IPO5: variants seen among roughly 807,000 people sequenced by gnomAD.
The protein encoded by IPO5 is importin 5.
A neutral mutation model predicts 143.3 loss-of-function variants in IPO5; 18 were observed. The observed-to-expected ratio is 0.13, with a 90% CI of 0.09 to 0.19. The LOEUF (loss-of-function observed/expected upper bound fraction) is 0.19. Ranked by LOEUF, IPO5 falls within the 10% of genes least tolerant of loss-of-function variation. IPO5 has a pLI of 1.00. For synonymous variants in IPO5, 477 were observed against 465.7 expected (o/e 1.02, Z -0.31); for missense variants, 1,013 against 1,336.9 (o/e 0.76, Z 3.78).
intron 2 of IPO5, among the ~76,000 whole-genome samples, chr13:97,964,448 T>C (rs1406073692): frequency 1.3e-4 from 18 of 139,072 alleles, no homozygotes; most frequent in East Asian, 4.0e-4. Flanking sequence ...TCTTTCTTTT[T>C]TTTTTTTTTT....
Position 97,974,141 on chromosome 13 carries a change from A to G in IPO5, c.-4-2552A>G, listed in dbSNP as rs539414230. On this transcript the variant is annotated intron_variant, in intron 3 of 28. Transcript: ENST00000651721. ...TTGGAATTTCTATTATTTAGTAACT[A>G]TTAAGCAAATATATGTAACCTACAG... Among the ~76,000 whole-genome samples, 3 of 152,302 alleles carry G rather than the reference A, an allele frequency of 2.0e-5. No individual in the cohort carries two copies. In the East Asian group the frequency reaches 5.8e-4, roughly 29 times the overall value.
intron 3 of IPO5, among the ~76,000 whole-genome samples, chr13:97,970,576 G>A (rs1250944895): frequency 2.0e-5 from 3 of 152,052 alleles, no homozygotes; most frequent in East Asian, 1.9e-4. Context: ...AGCTGAAATC[G>A]TGCCACTGCA....
intron 8 of IPO5, 82 bp downstream of exon 8, chr13:97,990,304 T>G (rs941750335): frequency 5.9e-6 from 7 of 1,183,378 alleles, no homozygotes; most frequent in Non-Finnish European, 6.2e-6. Context: ...GAGGTTGTTT[T>G]CACTTTTATA....
At chr13:97,986,095 A>G (rs774625450) in intron 6 of IPO5, among the ~76,000 whole-genome samples, 2 of 152,052 alleles carry the variant, frequency 1.3e-5, no homozygotes, top group Non-Finnish European at 2.9e-5. Context: ...AGCCTGGGCA[A>G]CAAAGCAAGA....
chr13:97,986,338 T>C (rs1887341417), intron 6 of IPO5, among the ~76,000 whole-genome samples: 1 of 152,018 alleles, frequency 6.6e-6, no homozygotes, highest in South Asian at 2.1e-4. Context: ...TACTGTTACG[T>C]AGCTATACTA....
chr13:97,960,664 T>C (rs1349836326), intron 2 of IPO5, among the ~76,000 whole-genome samples: 6 of 151,554 alleles, frequency 4.0e-5, no homozygotes, highest in Non-Finnish European at 5.9e-5. Context: ...GTTCAAGCAA[T>C]TCTCCTGCCT....
At chr13:98,006,866 GTTT>G (rs869302123) in intron 17 of IPO5, among the ~76,000 whole-genome samples, 2 of 125,064 alleles carry the variant, frequency 1.6e-5, no homozygotes, top group Admixed American at 1.6e-4. Flanking sequence ...TTGGTTTGGT[GTTT>G]TTTTTTTTTT....
chr13:97,965,340 C>T (rs752549134), intron 2 of IPO5, among the ~76,000 whole-genome samples: 1 of 151,660 alleles, frequency 6.6e-6, no homozygotes, highest in African/African-American at 2.4e-5. Context: ...ACATGTATAT[C>T]GAAACTGAAA....
chr13:97,955,870 GCCTGTAATC>G (rs1323113481), intron 2 of IPO5, among the ~76,000 whole-genome samples: 1 of 152,182 alleles, frequency 6.6e-6, no homozygotes, highest in Admixed American at 6.5e-5. Context: ...AGTGGCTCAT[GCCTGTAATC>G]CCAGCACTTT....
chr13:98,002,901 GCAAT>G lies in IPO5; in HGVS notation c.1365_1368del (p.Gln456ValfsTer30). 6.2e-7 allele frequency: 1 copy of G among 1,613,748 alleles called. No individual in the cohort carries two copies. On this transcript the variant is annotated frameshift_variant, in exon 16 of 29. Coordinates refer to ENST00000651721, the MANE Select transcript of IPO5 (RefSeq NM_002271.6). LOFTEE classifies it high-confidence loss of function. Reference sequence around the variant, plus strand: ...CTGCTGCAGACCATGGAAGACCAAGGCAATCAACGTGTGCAGGCCCATGCAGCTG... The same window carrying G: ...CTGCTGCAGACCATGGAAGACCAAGGCAACGTGTGCAGGCCCATGCAGCTG...
At position 98,000,524 on chromosome 13, in the gene IPO5, T is replaced by C. The variant is rs1350445367; in HGVS notation, c.1002-15T>C. On this transcript the variant is annotated splice_polypyrimidine_tract_variant and intron_variant, in intron 12 of 28. Coordinates refer to ENST00000651721, the MANE Select transcript of IPO5 (RefSeq NM_002271.6). ...TTCAGATATATTGAGTACATAATTC[T>C]GTTTATGTGTTTAGCAATGCAGTTG... 6.5e-7 allele frequency: 1 copy of C among 1,540,388 alleles called. No homozygotes were observed. The highest frequency in any genetic ancestry group is 1.7e-5 in the Admixed American group (1 of 59,932).
At chr13:98,001,031 C>A in intron 13 of IPO5, 1 of 219,670 alleles carries the variant, frequency 4.6e-6, no homozygotes, top group Non-Finnish European at 9.2e-6. Context: ...GGAAGCCCAC[C>A]TGCCCTGGAG....
At chr13:98,018,947 A>G (rs778501759) in intron 26 of IPO5, among the ~76,000 whole-genome samples, 2 of 151,598 alleles carry the variant, frequency 1.3e-5, no homozygotes, top group Non-Finnish European at 2.9e-5. Context: ...CGTTTTGGCA[A>G]TATACAACAG....
intron 21 of IPO5, 124 bp from the exon 22 acceptor site, chr13:98,013,918 T>G: frequency 4.1e-6 from 3 of 733,544 alleles, no homozygotes; most frequent in East Asian, 5.3e-5. Context: ...TGCTTTATAT[T>G]TAACACAAGC....
intron 9 of IPO5, among the ~76,000 whole-genome samples, chr13:97,991,260 G>T (rs1320491823): frequency 6.6e-6 from 1 of 152,072 alleles, no homozygotes; most frequent in African/African-American, 2.4e-5. Flanking sequence ...GAAATGCAAA[G>T]AAACGTATAA....
chr13:98,003,087 T>C, intron 16 of IPO5, 50 bp downstream of exon 16: 1 of 1,426,730 alleles, frequency 7.0e-7, no homozygotes, highest in Non-Finnish European at 9.7e-7. Context: ...TTAATTTGGG[T>C]TGATTTGATG....
intron 18 of IPO5, among the ~76,000 whole-genome samples, chr13:98,009,502 T>G (rs1322315354): frequency 1.3e-5 from 2 of 152,342 alleles, no homozygotes; most frequent in African/African-American, 4.8e-5. Flanking sequence ...TCAGATAAAA[T>G]ACATTTCTGT....
In IPO5 at chr13:98,018,711, T is replaced by C. The variant is rs762334138; in HGVS notation, c.2836+7T>C. ...TATCGCCCTTTTTGTACAGGTACGT[T>C]TGCTTATTCCGTTACGTGCATTTCA... On this transcript the variant is annotated splice_region_variant and intron_variant, in intron 26 of 28. Coordinates refer to ENST00000651721, the MANE Select transcript of IPO5 (RefSeq NM_002271.6). The C allele has an allele frequency of 1.2e-6, 2 of 1,607,698 alleles. No homozygotes were observed. The highest frequency in any genetic ancestry group is 3.3e-5 in the Admixed American group (2 of 59,956).
chr13:97,988,103 T>G (rs1167297279), intron 6 of IPO5: 2 of 203,254 alleles, frequency 9.8e-6, no homozygotes, highest in Non-Finnish European at 2.2e-5. Context: ...AATTCATCTG[T>G]AAGTTGTATA....
Sources: gnomAD v4.1 joint callset for allele counts (sites outside exome capture counted in the v4.1 genomes callset) on GRCh38, gnomAD v4.1.1 for gene constraint, MANE v1.5 for transcripts, NCBI Gene and HGNC (gene_info 2026-07-23, HGNC 2026-07-21) for gene names.